GPC6: variants seen among roughly 807,000 people sequenced by gnomAD.
GPC6 encodes glypican 6.
A neutral mutation model predicts 55.2 loss-of-function variants in GPC6; 14 were observed. The ratio of observed to expected loss-of-function variants is 0.25; its 90% CI spans 0.17 to 0.40. The LOEUF (loss-of-function observed/expected upper bound fraction) is 0.40, where lower values mean the gene tolerates loss of function less well. Among genes scored for constraint, GPC6 ranks in the 10% least tolerant of loss-of-function variants. The pLI, the probability that GPC6 is intolerant of heterozygous loss-of-function variation, is 1.00. For missense variants in GPC6, 641 were observed against 708.5 expected (o/e 0.90, Z 1.08); for synonymous variants, 278 against 259.6 (o/e 1.07, Z -0.68).
intron 6 of GPC6, among the ~76,000 whole-genome samples, chr13:94,352,887 G>A (rs770326625): frequency 2.0e-5 from 3 of 152,192 alleles, no homozygotes; most frequent in Non-Finnish European, 2.9e-5. Context: ...GCATTCACCT[G>A]TATGTAAAAA....
intron 1 of GPC6, among the ~76,000 whole-genome samples, chr13:93,295,290 C>CAAAAAAAAAAAAAAAAAAAAAAAAAA (rs67379652): frequency 6.0e-5 from 4 of 66,686 alleles, no homozygotes; most frequent in African/African-American, 3.1e-4. Flanking sequence ...GACCCTGTCT[C>CAAAAAAAAAAAAAAAAAAAAAAAAAA]AAAAAAAAAA....
intron 6 of GPC6, among the ~76,000 whole-genome samples, chr13:94,343,739 T>TA (rs1878150500): frequency 6.6e-6 from 1 of 151,598 alleles, no homozygotes; most frequent in South Asian, 2.1e-4. Flanking sequence ...TGTTGTTAAC[T>TA]TTTTTTTTGA....
intron 2 of GPC6, among the ~76,000 whole-genome samples, chr13:93,673,232 C>A (rs576534492): frequency 1.3e-5 from 2 of 152,102 alleles, no homozygotes; most frequent in African/African-American, 4.8e-5. Context: ...GTCCTGCTCT[C>A]TATGGCAAAA....
chr13:93,612,500 A>AACACACACACAC (rs3138575), intron 2 of GPC6, among the ~76,000 whole-genome samples: 8,758 of 139,262 alleles, frequency 0.063, 295 homozygotes, highest in Non-Finnish European at 0.078. Flanking sequence ...CTCCGTCTAA[A>AACACACACACAC]ACACACACAC....
intron 1 of GPC6, among the ~76,000 whole-genome samples, chr13:93,507,061 CAAAAAAAAAAAAAAAA>C (rs56368708): frequency 5.8e-5 from 3 of 52,132 alleles, no homozygotes; most frequent in Admixed American, 4.0e-4. Flanking sequence ...GACTCCGTCT[CAAAAAAAAAAAAAAAA>C]AAAAAAAAAA....
chr13:94,270,433 G>A (rs1348212169), intron 4 of GPC6, among the ~76,000 whole-genome samples: 2 of 152,152 alleles, frequency 1.3e-5, no homozygotes, highest in African/African-American at 4.8e-5. Flanking sequence ...AATGAGGGGA[G>A]TATCTAACTA....
chr13:93,318,274 T>C (rs1425134656), intron 1 of GPC6, among the ~76,000 whole-genome samples: 1 of 152,060 alleles, frequency 6.6e-6, no homozygotes, highest in Non-Finnish European at 1.5e-5. Flanking sequence ...TTTTTTTTGT[T>C]GGTTGGTTGG....
intron 2 of GPC6, among the ~76,000 whole-genome samples, chr13:93,773,247 A>G (rs1170675160): frequency 2.0e-5 from 3 of 152,180 alleles, no homozygotes; most frequent in Non-Finnish European, 4.4e-5. Flanking sequence ...CTTTTTCAGG[A>G]ACTCTCTTTA....
chr13:94,099,829 G>T (rs777971000), intron 4 of GPC6, among the ~76,000 whole-genome samples: 1 of 152,110 alleles, frequency 6.6e-6, no homozygotes. Flanking sequence ...TTTAATGTTG[G>T]CAAGAAGGAA....
intron 1 of GPC6, among the ~76,000 whole-genome samples, chr13:93,257,937 T>A (rs1877009777): frequency 6.6e-6 from 1 of 152,180 alleles, no homozygotes; most frequent in South Asian, 2.1e-4. Context: ...AGGTAAGAAG[T>A]AGTAAAAAAT....
chr13:94,375,728 A>T (rs1879817880), intron 6 of GPC6, among the ~76,000 whole-genome samples: 2 of 127,434 alleles, frequency 1.6e-5, no homozygotes, highest in East Asian at 2.3e-4. Flanking sequence ...TACCAAAGCC[A>T]GGCAGAGACA....
chr13:94,232,806 T>G (rs1342798532), intron 4 of GPC6, among the ~76,000 whole-genome samples: 2 of 152,056 alleles, frequency 1.3e-5, no homozygotes, highest in African/African-American at 4.8e-5. Context: ...TACCTGACTC[T>G]GGGCCAAGGT....
intron 4 of GPC6, among the ~76,000 whole-genome samples, chr13:94,147,485 G>A (rs1376976375): frequency 2.0e-5 from 3 of 152,140 alleles, no homozygotes; most frequent in African/African-American, 7.2e-5. Context: ...AATAAAGTAT[G>A]AGTTGTAGCA....
intron 1 of GPC6, among the ~76,000 whole-genome samples, chr13:93,453,270 T>C (rs1878296921): frequency 1.3e-5 from 2 of 152,144 alleles, no homozygotes; most frequent in African/African-American, 4.8e-5. Context: ...TTTCATTCAA[T>C]ATGCCCCTGT....
rs187295607 is a variant in GPC6, at chr13:94,018,376, G to A, written c.712-9353G>A. Among the ~76,000 whole-genome samples, 439 of 150,868 alleles carry A rather than the reference G, an allele frequency of 2.9e-3. 4 individuals are homozygous for A. The highest frequency in any genetic ancestry group is 0.01 in the African/African-American group (429 of 41,058). On this transcript the variant is annotated intron_variant, in intron 3 of 8. Coordinates refer to ENST00000377047, the MANE Select transcript of GPC6 (RefSeq NM_005708.5). ...GCGATCTCCGCTCACTGCAACCTCC[G>A]CCTCCCAGGTTCAAGCAATTCTCCT... is the stretch of plus-strand genomic sequence containing the variant.
chr13:94,195,813 T>C (rs553759217), intron 4 of GPC6, among the ~76,000 whole-genome samples: 2 of 152,290 alleles, frequency 1.3e-5, no homozygotes, highest in African/African-American at 4.8e-5. Flanking sequence ...GAAGAGCCCA[T>C]ACCAAGGTAC....
intron 3 of GPC6, among the ~76,000 whole-genome samples, chr13:93,895,111 C>A (rs1481660243): frequency 2.0e-5 from 3 of 149,900 alleles, no homozygotes; most frequent in Middle Eastern, 3.5e-3. Context: ...TATATATTTT[C>A]ACCTCTAAGT....
chr13:93,393,630 T>TTTTCTC (rs71123482), intron 1 of GPC6, among the ~76,000 whole-genome samples: 2 of 65,912 alleles, frequency 3.0e-5, no homozygotes, highest in East Asian at 2.1e-4. Context: ...CTTAGACCTG[T>TTTTCTC]TCTCTCTCTC....
chr13:93,542,699 T>G (rs1046180225), intron 1 of GPC6, among the ~76,000 whole-genome samples: 7 of 152,244 alleles, frequency 4.6e-5, no homozygotes, highest in African/African-American at 1.7e-4. Flanking sequence ...TTTTATTTTA[T>G]TGAGCAGTGA....
Sources: gnomAD v4.1 joint callset for allele counts (sites outside exome capture counted in the v4.1 genomes callset) on GRCh38, gnomAD v4.1.1 for gene constraint, MANE v1.5 for transcripts, NCBI Gene and HGNC (gene_info 2026-07-23, HGNC 2026-07-21) for gene names.